The following CDHR5 variants were observed in gnomAD, a reference collection of about 807,000 sequenced individuals.
CDHR5 encodes the protein cadherin-related family member 5.
A neutral mutation model predicts 69.5 loss-of-function variants in CDHR5; 82 were observed. The observed-to-expected ratio is 1.18, with a 90% confidence interval of 0.99 to 1.42. The LOEUF (loss-of-function observed/expected upper bound fraction) is 1.42, where lower values mean the gene tolerates loss of function less well. Ranked by LOEUF, CDHR5 falls within the 40% of genes most tolerant of loss-of-function variation. The probability of loss-of-function intolerance (pLI) is 0.00; values close to 1 mark genes in which losing one functional copy is unlikely to be tolerated. For missense variants in CDHR5, 1,293 were observed against 1,168.9 expected (o/e 1.11, Z -1.55); for synonymous variants, 601 against 510.2 (o/e 1.18, Z -2.40).
Position 619,659 on chromosome 11 carries a change from AGGC to A in CDHR5, c.1179+19_1179+21del. ...CAGCCCTGACCCACCCACAGAGGGGAGGCCTTGGATGCACTCTCTACCGAGAAC... is the reference window on the plus strand; with the variant it reads ...CAGCCCTGACCCACCCACAGAGGGGACTTGGATGCACTCTCTACCGAGAAC... On this transcript the variant is annotated intron_variant, in intron 10 of 14. Coordinates refer to ENST00000397542, the MANE Select transcript of CDHR5 (RefSeq NM_021924.5). 6.2e-7 allele frequency: 1 copy of A among 1,611,252 alleles called. No individual in the cohort carries two copies. The highest frequency in any genetic ancestry group is 8.5e-7 in the Non-Finnish European group (1 of 1,178,184).
At chr11:617,818 C>G in intron 14 of CDHR5, 48 bp from the exon 15 acceptor site, 1 of 1,466,382 alleles carries the variant, frequency 6.8e-7, no homozygotes, top group Non-Finnish European at 9.0e-7. Flanking sequence ...GTCTCTGCAG[C>G]CTTGGCCCTG....
chr11:621,827 C>G lies in CDHR5; in HGVS notation c.390G>C (p.Glu130Asp), dbSNP rs369905365. 6.2e-7 allele frequency: 1 copy of G among 1,613,480 alleles called. No homozygotes were observed. The highest frequency in any genetic ancestry group is 8.5e-7 in the Non-Finnish European group (1 of 1,179,662). Residue 130 changes from glutamate (E) to aspartate (D), a missense_variant, in exon 4 of 15, where the codon GAG becomes GAC. Transcript: ENST00000397542. The surrounding 1 kb of genome is among the most constrained non-coding windows in gnomAD (Gnocchi z 4.4). ...NAPEFPFKTK[E>D]IRVEEDTKVN... ...CTGGCCTCACCTCCTCCACCCTTAT[C>G]TCCTTGGTCTTAAAGGGGAATTCGG... is the stretch of plus-strand genomic sequence containing the variant.
Position 618,601 on chromosome 11 carries a change from G to C in CDHR5, c.1958C>G (p.Ser653Ter), listed in dbSNP as rs763030261. ...GAAGGCAACAGAGTGGGTGCTACCT[G>C]AAGATGGGGTGCTCTTGCTGAGGGG... ...PMPLSKSTPS[S>*]GGGPSEDKRF... Residue 653 changes from serine (S) to a stop codon, truncating the protein, a stop_gained and splice_region_variant, in exon 13 of 15, where the codon TCA becomes TGA. Coordinates refer to ENST00000397542, the MANE Select transcript of CDHR5 (RefSeq NM_021924.5). LOFTEE classifies it high-confidence loss of function. 6.2e-7 allele frequency: 1 copy of C among 1,613,954 alleles called. No individual in the cohort carries two copies. Among genetic ancestry groups the C allele is most frequent in the Non-Finnish European group, 8.5e-7 (1 of 1,179,972 alleles).
rs146264474 is a variant in CDHR5 at position 619,081 on chromosome 11, G to T, written c.1478C>A (p.Thr493Lys). Residue 493 changes from threonine (T) to lysine (K), a missense_variant, in exon 13 of 15, where the codon ACG (threonine) becomes AAG (lysine). Physicochemically the swap from Thr to Lys is moderately conservative, Grantham distance 78. Coordinates refer to ENST00000397542, the MANE Select transcript of CDHR5 (RefSeq NM_021924.5). ...GCCTGTGCCTCCCCCAGAGCTGGTC[G>T]TGGAGGGTCCCTGGGAGGGCTCAGG... Reference protein sequence around the residue: ...RPPEPSQGPSTTSSGGGTGPH... With the variant: ...RPPEPSQGPSKTSSGGGTGPH... The T allele has an allele frequency of 1.2e-5, 20 of 1,612,138 alleles. No homozygotes were observed. Among genetic ancestry groups the T allele is most frequent in the African/African-American group, 6.7e-5 (5 of 74,986 alleles).
In CDHR5 at chr11:619,710, T is replaced by A. The variant is rs1224949420; in HGVS notation, c.1150A>T (p.Arg384Trp). 4.3e-6 allele frequency: 7 copies of A among 1,613,092 alleles called. No homozygotes were observed. Among genetic ancestry groups the A allele is most frequent in the Non-Finnish European group, 3.4e-6 (4 of 1,179,948 alleles). ...KDAAAPSQPL[R>W]IQAQDPEFSD... is the part of the protein sequence containing the mutation. The stretch of plus-strand genomic sequence containing the variant: ...AACTCCGGGTCCTGAGCCTGGATCC[T>A]CAGAGGCTGAGAAGGGGCAGCTGCA... Residue 384 changes from arginine to tryptophan, a missense_variant, in exon 10 of 15, where the codon AGG (arginine) becomes TGG (tryptophan). By Grantham distance (101) the Arg-to-Trp change is moderately radical. Transcript: ENST00000397542.
chr11:621,565 T>C lies in CDHR5; in HGVS notation c.504A>G (p.Thr168=). 1 of 1,612,166 alleles carries C rather than the reference T, an allele frequency of 6.2e-7. No individual in the cohort carries two copies. Among genetic ancestry groups the C allele is most frequent in the Non-Finnish European group, 8.5e-7 (1 of 1,178,344 alleles). ...DILFYTLQEM[T]AGASDYFSLV... ...GGGCAGGGTGGGCGGCACTGACTGC[T>C]GTCATTTCCTGGAGGGTGTAGAACA... The change falls in exon 5 of 15, where the codon ACA becomes ACG. Residue 168 remains threonine, a synonymous_variant. Coordinates refer to ENST00000397542, the MANE Select transcript of CDHR5 (RefSeq NM_021924.5). The surrounding 1 kb of genome is among the most constrained non-coding windows in gnomAD (Gnocchi z 4.4).
In CDHR5 at chr11:617,300, G is replaced by A. The variant is rs1318883559; in HGVS notation, c.*51C>T. ...TTCTGCCTCGGGTCGGAGGCTGGGG[G>A]AGCGAGACCTCCAGTGCCCGTGCGG... is the stretch of plus-strand genomic sequence containing the variant. On this transcript the variant is annotated 3_prime_UTR_variant, in exon 15 of 15. Coordinates refer to ENST00000397542, the MANE Select transcript of CDHR5 (RefSeq NM_021924.5). The A allele has an allele frequency of 1.5e-6, 2 of 1,376,844 alleles. No homozygotes were observed. Among genetic ancestry groups the A allele is most frequent in the Non-Finnish European group, 2.0e-6 (2 of 991,396 alleles). 85.3% of individuals were successfully genotyped at this position (1,376,844 alleles called of 1,614,324 possible).
chr11:618,223 T>C (rs926700172), intron 13 of CDHR5, 112 bp from the exon 14 acceptor site: 2 of 904,370 alleles, frequency 2.2e-6, no homozygotes, highest in South Asian at 3.3e-5. Flanking sequence ...AGGCCTGGGC[T>C]GTCTCCCAAA....
rs572383112 is a variant in CDHR5 at position 623,676 on chromosome 11, G to A, written c.312+537C>T. On this transcript the variant is annotated intron_variant, in intron 3 of 14. Coordinates refer to ENST00000397542, the MANE Select transcript of CDHR5 (RefSeq NM_021924.5). Reference sequence around the variant, plus strand: ...GCCGTGGAGGGCTGGGGTGGGCTGGGCAGCCTTGGTTTACAACATCCACAG... The same window carrying A: ...GCCGTGGAGGGCTGGGGTGGGCTGGACAGCCTTGGTTTACAACATCCACAG... Among the ~76,000 whole-genome samples, 9 of 152,210 alleles carry A rather than the reference G, an allele frequency of 5.9e-5. No individual in the cohort carries two copies. The East Asian group carries it at 1.6e-3, about 26-fold the overall frequency.
chr11:623,079 C>T (rs1202425783), intron 3 of CDHR5, among the ~76,000 whole-genome samples: 3 of 151,974 alleles, frequency 2.0e-5, no homozygotes, highest in East Asian at 2.0e-4. Flanking sequence ...GAGGCCGAGG[C>T]GGGCAGATCA....
At position 621,734 on chromosome 11, in the gene CDHR5, C is replaced by G. The variant is rs1004287069; in HGVS notation, c.406-71G>C. The G allele has an allele frequency of 1.0e-5, 16 of 1,545,838 alleles. No homozygotes were observed. The Admixed American group carries it at 2.5e-4, about 24-fold the overall frequency. The stretch of plus-strand genomic sequence containing the variant: ...TGGACCCCCACTGTGGTTGAGCCCC[C>G]GGCCACCACTCACCTCCTGCCCTCA... On this transcript the variant is annotated intron_variant, in intron 4 of 14. Coordinates refer to ENST00000397542, the MANE Select transcript of CDHR5 (RefSeq NM_021924.5). The surrounding 1 kb of genome is among the most constrained non-coding windows in gnomAD (Gnocchi z 4.4).
Position 618,608 on chromosome 11 carries a change from G to A in CDHR5, c.1951C>T (p.Pro651Ser), listed in dbSNP as rs2133183339. 6.2e-7 allele frequency: 1 copy of A among 1,614,008 alleles called. No homozygotes were observed. The highest frequency in any genetic ancestry group is 2.2e-5 in the East Asian group (1 of 44,878). The change falls in exon 13 of 15, where the codon CCA (proline) becomes TCA (serine). Residue 651 changes from proline (P) to serine (S), a missense_variant. Physicochemically the swap from Pro to Ser is moderately conservative, Grantham distance 74 (BLOSUM62 -1). Coordinates refer to ENST00000397542, the MANE Select transcript of CDHR5 (RefSeq NM_021924.5). ...ACAGAGTGGGTGCTACCTGAAGATG[G>A]GGTGCTCTTGCTGAGGGGCATCGGC... Reference protein sequence around the residue: ...SQPMPLSKSTPSSGGGPSEDK... With the variant: ...SQPMPLSKSTSSSGGGPSEDK...
At position 624,133 on chromosome 11, in the gene CDHR5, C is replaced by T; in HGVS notation, c.312+80G>A. On this transcript the variant is annotated intron_variant, in intron 3 of 14. Coordinates refer to ENST00000397542, the MANE Select transcript of CDHR5 (RefSeq NM_021924.5). This position sits in a 1 kb window ranked among gnomAD's most constrained non-coding sequence, Gnocchi z 5.3. ...GAAACCACACCCTAGCTGACGTCAT[C>T]AAAGACTGGTCCTGGACCGGCAGGG... 3.0e-6 allele frequency: 2 copies of T among 656,252 alleles called. No homozygotes were observed. Among genetic ancestry groups the T allele is most frequent in the South Asian group, 3.1e-5 (2 of 65,550 alleles). 40.7% of individuals were successfully genotyped at this position (656,252 alleles called of 1,614,324 possible).
Position 617,626 on chromosome 11 carries a change from G to T in CDHR5, c.2263C>A (p.Pro755Thr). 6.3e-7 allele frequency: 1 copy of T among 1,588,592 alleles called. No individual in the cohort carries two copies. Among genetic ancestry groups the T allele is most frequent in the Non-Finnish European group, 8.6e-7 (1 of 1,168,252 alleles). ...AEPAPPGPAS[P>T]GGAPEPPAAA... The stretch of plus-strand genomic sequence containing the variant: ...GCGGGGGGCTCAGGGGCACCGCCTG[G>T]GGAGGCAGGGCCGGGGGGTGCGGGC... Residue 755 changes from proline to threonine, a missense_variant, in exon 15 of 15, where the codon CCA becomes ACA. Coordinates refer to ENST00000397542, the MANE Select transcript of CDHR5 (RefSeq NM_021924.5).
chr11:619,777 G>A lies in CDHR5; in HGVS notation c.1083C>T (p.Gly361=). 2 of 1,610,252 alleles carry A rather than the reference G, an allele frequency of 1.2e-6. No individual in the cohort carries two copies. ...CCGCTCCAGCGCCACGCGCCACGGT[G>A]CCACGATACAGTCTCTGGGGGAAGC... ...PPRFPQRLYR[G]TVARGAGAGV... Residue 361 remains glycine, a synonymous_variant, in exon 10 of 15, where the codon GGC becomes GGT. Coordinates refer to ENST00000397542, the MANE Select transcript of CDHR5 (RefSeq NM_021924.5).
At chr11:620,192 C>T (rs1290143386) in intron 8 of CDHR5, 28 bp from the exon 9 acceptor site, 1 of 1,605,442 alleles carries the variant, frequency 6.2e-7, no homozygotes, top group Non-Finnish European at 8.5e-7. Context: ...GTGCTCAGCC[C>T]CGGCCCCCTG....
rs1266158383 is a variant in CDHR5, at chr11:624,597, T to G, written c.221A>C (p.Gln74Pro). 7.5e-6 allele frequency: 12 copies of G among 1,610,646 alleles called. No homozygotes were observed. Among genetic ancestry groups the G allele is most frequent in the Non-Finnish European group, 1.0e-5 (12 of 1,177,578 alleles). The change falls in exon 2 of 15, where the codon CAG becomes CCG. Residue 74 changes from glutamine (Q) to proline (P), a missense_variant. Gln to Pro is a moderately conservative substitution (Grantham distance 76). Coordinates refer to ENST00000397542, the MANE Select transcript of CDHR5 (RefSeq NM_021924.5). The surrounding 1 kb of genome is among the most constrained non-coding windows in gnomAD (Gnocchi z 5.3). ...ALSTPFAFRI[Q>P]GNQLFLNVTP... is the part of the protein sequence containing the mutation. ...CACGTTGAGAAACAGCTGGTTTCCC[T>G]GGATCCGAAATGCAAAGGGGGTGGA...
intron 3 of CDHR5, among the ~76,000 whole-genome samples, chr11:623,319 C>CT (rs1343935038): frequency 6.6e-6 from 1 of 152,116 alleles, no homozygotes; most frequent in Non-Finnish European, 1.5e-5. Context: ...AAAAAAGAGT[C>CT]TCTCTCTTTC....
rs763815871 is a variant in CDHR5 at position 619,816 on chromosome 11, G to A, written c.1044C>T (p.Ala348=). The part of the protein sequence containing the change: ...TQVTVEAVAA[A]GSPPRFPQRL... ...TCTGGGGGAAGCGGGGCGGGCTCCC[G>A]GCCGCAGCCACAGCCTCCACGGTGA... The change falls in exon 10 of 15, where the codon GCC becomes GCT. Residue 348 remains alanine (A), a synonymous_variant. Coordinates refer to ENST00000397542, the MANE Select transcript of CDHR5 (RefSeq NM_021924.5). 4.6e-5 allele frequency: 72 copies of A among 1,581,814 alleles called. No individual in the cohort carries two copies. The highest frequency in any genetic ancestry group is 1.8e-4 in the South Asian group (16 of 87,930).
Sources: allele counts gnomAD v4.1 joint callset (sites outside exome capture counted in the v4.1 genomes callset), GRCh38; gene constraint gnomAD v4.1.1; non-coding constraint Gnocchi (gnomAD v3.1); transcripts MANE v1.5; gene names NCBI Gene and HGNC (gene_info 2026-07-23, HGNC 2026-07-21).